The following NREP variants were observed in gnomAD, a reference collection of about 807,000 sequenced individuals.
NREP encodes neuronal regeneration-related protein.
NREP carries 5 observed loss-of-function variants against 8.6 expected under a neutral mutation model. That is an observed-to-expected ratio of 0.58 (90% CI 0.30 to 1.22). The LOEUF is 1.22. NREP is among the 50% of genes most tolerant of loss of function. NREP has a pLI of 0.07. For synonymous variants in NREP, 27 were observed against 28.0 expected (o/e 0.96, Z 0.11); for missense variants, 86 against 82.5 (o/e 1.04, Z -0.17).
chr5:111,965,254 T>C (rs1198551106), intron 2 of NREP, among the ~76,000 whole-genome samples: 1 of 152,068 alleles, frequency 6.6e-6, no homozygotes, highest in African/African-American at 2.4e-5. Flanking sequence ...TAGGCAAGAA[T>C]TGCATCACAT....
At chr5:111,893,389 A>C (rs1345164082) in intron 2 of NREP, among the ~76,000 whole-genome samples, 4 of 152,090 alleles carry the variant, frequency 2.6e-5, no homozygotes, top group Non-Finnish European at 5.9e-5. Context: ...TAGACAAAAT[A>C]GGTAAATTCT....
chr5:111,877,475 C>T (rs1170221515), intron 2 of NREP, among the ~76,000 whole-genome samples: 1 of 152,208 alleles, frequency 6.6e-6, no homozygotes, highest in Admixed American at 6.5e-5. Context: ...GATTTGCTTG[C>T]TGTTTAGAAA....
Position 111,836,958 on chromosome 5 carries a change from A to G in NREP, c.136-101451T>C, listed in dbSNP as rs568363444. On this transcript the variant is annotated intron_variant, in intron 2 of 3. Coordinates refer to the NREP transcript ENST00000395634. Reference sequence around the variant, plus strand: ...TGTATCATCTTGGGGAAAATGGGAAAAGAATTGAGAGGAAGAAAGAAGACT... The same window carrying G: ...TGTATCATCTTGGGGAAAATGGGAAGAGAATTGAGAGGAAGAAAGAAGACT... 2.6e-5 allele frequency among the ~76,000 whole-genome samples: 4 copies of G among 152,202 alleles called. No individual in the cohort carries two copies. In the East Asian group the frequency reaches 5.8e-4, roughly 22 times the overall value.
chr5:111,843,398 T>C (rs1753080945), intron 2 of NREP, among the ~76,000 whole-genome samples: 1 of 151,922 alleles, frequency 6.6e-6, no homozygotes. Context: ...TGAATTACTG[T>C]TGGGTTCTTT....
intron 2 of NREP, among the ~76,000 whole-genome samples, chr5:111,743,153 TG>T (rs1317162905): frequency 1.4e-5 from 1 of 73,742 alleles, no homozygotes; most frequent in Non-Finnish European, 4.0e-5. Flanking sequence ...TTCCAAACAA[TG>T]GGAAAAAAAT....
chr5:111,922,870 C>G (rs2112583512), intron 2 of NREP, among the ~76,000 whole-genome samples: 1 of 152,216 alleles, frequency 6.6e-6, no homozygotes, highest in Non-Finnish European at 1.5e-5. Context: ...TGGAGCCTTC[C>G]CAGATTAGAG....
At chr5:111,971,050 C>T (rs1322814855) in intron 2 of NREP, among the ~76,000 whole-genome samples, 2 of 152,012 alleles carry the variant, frequency 1.3e-5, no homozygotes, top group African/African-American at 2.4e-5. Context: ...TTAACAAGTT[C>T]CCCTTCCCCT....
At chr5:111,793,250 T>A (rs914854986) in intron 2 of NREP, among the ~76,000 whole-genome samples, 1 of 152,168 alleles carries the variant, frequency 6.6e-6, no homozygotes, top group Non-Finnish European at 1.5e-5. Flanking sequence ...GGAGATTTAT[T>A]ATGCAAATTG....
chr5:111,950,300 G>A (rs1038953701), intron 2 of NREP, among the ~76,000 whole-genome samples: 1 of 152,068 alleles, frequency 6.6e-6, no homozygotes, highest in African/African-American at 2.4e-5. Flanking sequence ...ATGGGGAAAG[G>A]ATTCCCTATT....
At chr5:111,736,445 A>G (rs997657620) in intron 2 of NREP, among the ~76,000 whole-genome samples, 1 of 152,238 alleles carries the variant, frequency 6.6e-6, no homozygotes, top group South Asian at 2.1e-4. Context: ...AAATTCTGCA[A>G]TAAATAAGCC....
intron 2 of NREP, among the ~76,000 whole-genome samples, chr5:111,939,669 T>C (rs1288164545): frequency 6.6e-6 from 1 of 152,094 alleles, no homozygotes; most frequent in Non-Finnish European, 1.5e-5. Context: ...GTCCTTTTCA[T>C]GATCTATTTA....
intron 2 of NREP, among the ~76,000 whole-genome samples, chr5:111,911,960 T>C (rs1353713234): frequency 6.6e-6 from 1 of 152,092 alleles, no homozygotes; most frequent in Non-Finnish European, 1.5e-5. Context: ...AACTAAGTTG[T>C]GGGGAGGCTA....
At chr5:111,784,678 T>C (rs1171672135) in intron 2 of NREP, among the ~76,000 whole-genome samples, 1 of 152,194 alleles carries the variant, frequency 6.6e-6, no homozygotes, top group African/African-American at 2.4e-5. Flanking sequence ...TATATTAATA[T>C]GCATTTTTGA....
upstream of NREP, chr5:111,757,203 A>T: frequency 1.0e-6 from 1 of 953,050 alleles, no homozygotes; most frequent in Non-Finnish European, 1.2e-6. Context: ...GTGGTTGAAA[A>T]AGGGCAACAT....
At chr5:111,921,079 T>A (rs1755225680) in intron 2 of NREP, among the ~76,000 whole-genome samples, 1 of 152,162 alleles carries the variant, frequency 6.6e-6, no homozygotes, top group Admixed American at 6.6e-5. Flanking sequence ...GACAGACGCT[T>A]TTTGTTAGAA....
intron 2 of NREP, among the ~76,000 whole-genome samples, chr5:111,907,771 C>G (rs1345919287): frequency 1.3e-5 from 2 of 151,988 alleles, no homozygotes; most frequent in African/African-American, 2.4e-5. Context: ...AAAACTCCTA[C>G]TTAATAAGAC....
At chr5:111,736,355 C>G (rs185148474) in intron 2 of NREP, among the ~76,000 whole-genome samples, 1 of 152,168 alleles carries the variant, frequency 6.6e-6, no homozygotes, top group African/African-American at 2.4e-5. Context: ...AACCATCTGT[C>G]AGGGCTAATT....
At chr5:111,942,342 T>A (rs1202238962) in intron 2 of NREP, among the ~76,000 whole-genome samples, 1 of 152,070 alleles carries the variant, frequency 6.6e-6, no homozygotes, top group South Asian at 2.1e-4. Flanking sequence ...CCTTTCCATC[T>A]GAAAAGTGAA....
intron 2 of NREP, among the ~76,000 whole-genome samples, chr5:111,742,024 C>T (rs1303118411): frequency 6.6e-6 from 1 of 152,110 alleles, no homozygotes; most frequent in Non-Finnish European, 1.5e-5. Flanking sequence ...AAGTCCTTAA[C>T]ATGTACAAAT....
Sources: allele counts gnomAD v4.1 joint callset (sites outside exome capture counted in the v4.1 genomes callset), GRCh38; gene constraint gnomAD v4.1.1; transcripts MANE v1.5; gene names NCBI Gene and HGNC (gene_info 2026-07-23, HGNC 2026-07-21).